Variants in ITPK1 observed in about 807,000 individuals in gnomAD.
ITPK1 encodes inositol 1,3,4-trisphosphate 5/6-kinase.
Under a neutral mutation model 45.3 loss-of-function variants are expected in ITPK1, and 21 were observed. The observed-to-expected ratio is 0.46, with a 90% confidence interval of 0.33 to 0.67. The LOEUF (loss-of-function observed/expected upper bound fraction) is 0.67, where lower values mean the gene tolerates loss of function less well. ITPK1 is among the 30% of genes least tolerant of loss of function. ITPK1 has a pLI of 0.02. For synonymous variants in ITPK1, 258 were observed against 253.6 expected (o/e 1.02, Z -0.16); for missense variants, 474 against 573.5 (o/e 0.83, Z 1.77).
At chr14:93,113,259 G>T (rs947950928) in intron 2 of ITPK1, among the ~76,000 whole-genome samples, 1 of 152,148 alleles carries the variant, frequency 6.6e-6, no homozygotes, top group African/African-American at 2.4e-5. Context: ...AGCATAGCTT[G>T]CTCTGAACCT....
intron 3 of ITPK1, among the ~76,000 whole-genome samples, chr14:93,038,951 C>A (rs1329987325): frequency 1.3e-5 from 2 of 152,256 alleles, no homozygotes; most frequent in Non-Finnish European, 2.9e-5. Flanking sequence ...ATAAGATACT[C>A]TAATACCGTT....
At chr14:92,994,401 T>C (rs923385322) in intron 4 of ITPK1, among the ~76,000 whole-genome samples, 6 of 152,048 alleles carry the variant, frequency 3.9e-5, no homozygotes, top group Admixed American at 3.9e-4. Context: ...TCAGAGGGTC[T>C]GCGGGAAGGT....
At chr14:92,954,732 C>A (rs4291855) in intron 8 of ITPK1, among the ~76,000 whole-genome samples, 11,349 of 150,584 alleles carry the variant, frequency 0.075, 480 homozygotes, top group East Asian at 0.21. Context: ...AGCCTTATTT[C>A]CTTCATCTCC....
Position 93,076,755 on chromosome 14 carries a change from T to C in ITPK1, c.96-136A>G. 1.0e-6 allele frequency: 1 copy of C among 962,858 alleles called. No homozygotes were observed. Among genetic ancestry groups the C allele is most frequent in the South Asian group, 1.4e-5 (1 of 71,620 alleles). The allele number at this position is 962,858 out of a possible 1,614,324, so 59.6% of individuals were successfully genotyped here. ...GAGCCGGCAGCTGCGCCTCTCCTGC[T>C]ACTGTCCCAGAACAGCCATGCCTTC... On this transcript the variant is annotated intron_variant, in intron 2 of 10. Coordinates refer to ENST00000267615, the MANE Select transcript of ITPK1 (RefSeq NM_014216.6). This position sits in a 1 kb window ranked among gnomAD's most constrained non-coding sequence, Gnocchi z 4.3.
chr14:93,091,228 G>A (rs1442382428), intron 2 of ITPK1, among the ~76,000 whole-genome samples: 1 of 152,240 alleles, frequency 6.6e-6, no homozygotes, highest in East Asian at 1.9e-4. Context: ...TGTCCCTTGT[G>A]GTGTGATTAC....
chr14:92,966,698 C>T (rs1048552251), intron 5 of ITPK1, among the ~76,000 whole-genome samples: 1 of 152,174 alleles, frequency 6.6e-6, no homozygotes, highest in Admixed American at 6.5e-5. Flanking sequence ...AAACTTACTA[C>T]AAAGCTACAG....
chr14:93,003,633 T>C (rs1487285056), intron 4 of ITPK1, among the ~76,000 whole-genome samples: 4 of 152,208 alleles, frequency 2.6e-5, no homozygotes, highest in African/African-American at 9.6e-5. Flanking sequence ...CAAGCCTAGC[T>C]ACCCAGGGTG....
At chr14:93,010,642 A>C (rs1887842645) in intron 4 of ITPK1, among the ~76,000 whole-genome samples, 1 of 152,212 alleles carries the variant, frequency 6.6e-6, no homozygotes, top group African/African-American at 2.4e-5. Flanking sequence ...TCACTGCCTC[A>C]CTGACTCCAA....
At chr14:93,084,486 T>C (rs1249603289) in intron 2 of ITPK1, among the ~76,000 whole-genome samples, 2 of 152,200 alleles carry the variant, frequency 1.3e-5, no homozygotes, top group Non-Finnish European at 2.9e-5. Flanking sequence ...ACTGAGCCAC[T>C]GCAGGGCAGA....
intron 9 of ITPK1, among the ~76,000 whole-genome samples, chr14:92,949,939 C>T (rs993974779): frequency 1.1e-4 from 17 of 152,284 alleles, no homozygotes; most frequent in African/African-American, 3.1e-4. Context: ...CCTCGGCACC[C>T]GGCTGCCGAG....
intron 2 of ITPK1, among the ~76,000 whole-genome samples, chr14:93,085,310 C>T (rs932056762): frequency 3.9e-5 from 6 of 152,218 alleles, no homozygotes; most frequent in Non-Finnish European, 8.8e-5. Flanking sequence ...GTGGGGGCAT[C>T]TTTCCTTTGA....
intron 4 of ITPK1, among the ~76,000 whole-genome samples, chr14:93,004,907 G>T (rs1206086893): frequency 6.6e-6 from 1 of 151,962 alleles, no homozygotes. Flanking sequence ...AAAAGCAGAG[G>T]TCTGGGGTGA....
chr14:93,115,333 G>C (rs943896501), intron 1 of ITPK1, 28 bp from the exon 2 acceptor site: 2 of 278,936 alleles, frequency 7.2e-6, no homozygotes, highest in African/African-American at 4.5e-5. Flanking sequence ...GCGGGGCGGG[G>C]CGCGGCGGGC....
intron 5 of ITPK1, among the ~76,000 whole-genome samples, chr14:92,978,264 T>C (rs1302056362): frequency 2.0e-5 from 3 of 151,964 alleles, no homozygotes; most frequent in Non-Finnish European, 4.4e-5. Flanking sequence ...ATTCAAGACG[T>C]GGACTGGCTG....
chr14:93,083,843 C>T (rs1891542917), intron 2 of ITPK1, among the ~76,000 whole-genome samples: 1 of 152,194 alleles, frequency 6.6e-6, no homozygotes, highest in Admixed American at 6.5e-5. Context: ...CTCCCACCCT[C>T]CTCAGGCCCC....
chr14:92,940,127 G>A lies in ITPK1; in HGVS notation c.*1434C>T. The A allele has an allele frequency of 1.0e-6, 1 of 985,802 alleles. No individual in the cohort carries two copies. Among genetic ancestry groups the A allele is most frequent in the South Asian group, 4.7e-5 (1 of 21,278 alleles). The allele number at this position is 985,802 out of a possible 1,614,324, so 61.1% of individuals were successfully genotyped here. ...GGCATCCTGCAGCCCAGCTGAGCCA[G>A]GCCGAAGGACCTCCATGCACTGGCT... On this transcript the variant is annotated 3_prime_UTR_variant, in exon 11 of 11. Coordinates refer to ENST00000267615, the MANE Select transcript of ITPK1 (RefSeq NM_014216.6).
At chr14:93,004,525 CG>C (rs1887510323) in intron 4 of ITPK1, among the ~76,000 whole-genome samples, 1 of 151,988 alleles carries the variant, frequency 6.6e-6, no homozygotes, top group South Asian at 2.1e-4. Context: ...CTGAGAAGCA[CG>C]TGTATGTGGG....
intron 3 of ITPK1, among the ~76,000 whole-genome samples, chr14:93,060,569 T>C (rs1285816920): frequency 6.6e-6 from 1 of 152,196 alleles, no homozygotes; most frequent in Non-Finnish European, 1.5e-5. Context: ...GACCCTGCTC[T>C]GCTGCAAAAG....
At chr14:92,976,461 A>G (rs1324528619) in intron 5 of ITPK1, among the ~76,000 whole-genome samples, 1 of 152,244 alleles carries the variant, frequency 6.6e-6, no homozygotes, top group Non-Finnish European at 1.5e-5. Context: ...GCAAGACTGC[A>G]TGGGAGAACC....
Sources: allele counts gnomAD v4.1 joint callset (sites outside exome capture counted in the v4.1 genomes callset), GRCh38; gene constraint gnomAD v4.1.1; non-coding constraint Gnocchi (gnomAD v3.1); transcripts MANE v1.5; gene names NCBI Gene and HGNC (gene_info 2026-07-23, HGNC 2026-07-21).